The following USH2A variants were observed in gnomAD, a reference collection of about 807,000 sequenced individuals.
The protein encoded by USH2A is usherin.
USH2A carries 443 observed loss-of-function variants against 538.9 expected under a neutral mutation model. The ratio of observed to expected loss-of-function variants is 0.82; its 90% CI spans 0.76 to 0.89. USH2A has a LOEUF of 0.89. Among genes scored for constraint, USH2A ranks in the 40% least tolerant of loss-of-function variants. The pLI, the probability that USH2A is intolerant of heterozygous loss-of-function variation, is 0.00. For synonymous variants in USH2A, 2,413 were observed against 2,273.5 expected (o/e 1.06, Z -1.75); for missense variants, 6,633 against 6,324.8 (o/e 1.05, Z -1.65).
chr1:215,888,412 A>G lies in USH2A; in HGVS notation c.8223+14T>C. 6.2e-7 allele frequency: 1 copy of G among 1,612,324 alleles called. No individual in the cohort carries two copies. The highest frequency in any genetic ancestry group is 8.5e-7 in the Non-Finnish European group (1 of 1,179,998). Reference sequence around the variant, plus strand: ...CCTAAGTCTGCAAAGGAGAGAGAATAGTCAGTATCTTACCTGGACTGCATC... The same window carrying G: ...CCTAAGTCTGCAAAGGAGAGAGAATGGTCAGTATCTTACCTGGACTGCATC... On this transcript the variant is annotated intron_variant, in intron 41 of 71. Coordinates refer to ENST00000307340, the MANE Select transcript of USH2A (RefSeq NM_206933.4).
At position 216,422,046 on chromosome 1, in the gene USH2A, G is replaced by A; in HGVS notation, c.291C>T (p.Tyr97=). 2 of 1,613,888 alleles carry A rather than the reference G, an allele frequency of 1.2e-6. No individual in the cohort carries two copies. The highest frequency in any genetic ancestry group is 1.7e-6 in the Non-Finnish European group (2 of 1,179,906). Residue 97 remains tyrosine (Y), a synonymous_variant, in exon 2 of 72, where the codon TAC becomes TAT. Coordinates refer to ENST00000307340, the MANE Select transcript of USH2A (RefSeq NM_206933.4). ...DCPYRSSHPT[Y]TALFSAGLSS... ...TGAGGCCTGCTGAGAAAAGGGCAGTGTAGGTAGGGTGTGAAGATCTGTATG... is the reference window on the plus strand; with the variant it reads ...TGAGGCCTGCTGAGAAAAGGGCAGTATAGGTAGGGTGTGAAGATCTGTATG...
intron 13 of USH2A, among the ~76,000 whole-genome samples, chr1:216,243,751 A>G (rs970492182): frequency 6.6e-6 from 1 of 152,214 alleles, no homozygotes; most frequent in African/African-American, 2.4e-5. Flanking sequence ...TCAGTCTGGT[A>G]CATTTTCTAC....
chr1:216,092,783 A>G (rs915581699), intron 22 of USH2A, among the ~76,000 whole-genome samples: 1 of 152,102 alleles, frequency 6.6e-6, no homozygotes, highest in Admixed American at 6.5e-5. Flanking sequence ...ATCTGATTAC[A>G]TTTTCTCAGC....
At chr1:215,670,531 G>T (rs1382617567) in intron 64 of USH2A, among the ~76,000 whole-genome samples, 1 of 152,142 alleles carries the variant, frequency 6.6e-6, no homozygotes, top group Non-Finnish European at 1.5e-5. Flanking sequence ...CAGGTGAGTT[G>T]TATTCCTCTA....
chr1:215,794,353 G>C (rs1303899153), intron 50 of USH2A, among the ~76,000 whole-genome samples: 1 of 152,190 alleles, frequency 6.6e-6, no homozygotes, highest in African/African-American at 2.4e-5. Flanking sequence ...GATGTTTTAC[G>C]AGCCAGCCCG....
At chr1:216,363,589 G>T (rs1456378501) in intron 4 of USH2A, among the ~76,000 whole-genome samples, 1 of 151,924 alleles carries the variant, frequency 6.6e-6, no homozygotes, top group East Asian at 1.9e-4. Flanking sequence ...AAATGGAAAT[G>T]TAGATATAGA....
chr1:215,790,304 T>C (rs1221305690), intron 50 of USH2A, 22 bp from the exon 51 acceptor site: 34 of 1,611,190 alleles, frequency 2.1e-5, no homozygotes, highest in Non-Finnish European at 2.7e-5. Flanking sequence ...AAATGTTATA[T>C]ATGAATATGA....
intron 20 of USH2A, among the ~76,000 whole-genome samples, chr1:216,175,940 C>T (rs563471162): frequency 6.9e-4 from 105 of 152,202 alleles, no homozygotes; most frequent in African/African-American, 2.5e-3. Context: ...CCAGGAGCCA[C>T]AGGATCCCGC....
At chr1:215,917,776 A>G (rs1164276334) in intron 38 of USH2A, among the ~76,000 whole-genome samples, 4 of 74,248 alleles carry the variant, frequency 5.4e-5, no homozygotes, top group Admixed American at 5.3e-4. Context: ...AAACCCTATC[A>G]CTACAAAAAA....
intron 19 of USH2A, among the ~76,000 whole-genome samples, chr1:216,194,890 A>G (rs2034803529): frequency 1.3e-5 from 2 of 152,172 alleles, no homozygotes; most frequent in Admixed American, 6.5e-5. Context: ...TGGTACAGGC[A>G]GATGAGCCAC....
At position 216,421,974 on chromosome 1, in the gene USH2A, A is replaced by G. The variant is rs755384316; in HGVS notation, c.363T>C (p.His121=). The part of the protein sequence containing the change: ...PDKNDLHPNA[H]SNSASFIFGN... ...CAAAAATAAAACTTGCAGAATTGCT[A>G]TGGGCGTTAGGATGCAGATCATTCT... The change falls in exon 2 of 72, where the codon CAT becomes CAC. Residue 121 remains histidine (H), a synonymous_variant. Transcript: ENST00000307340. The G allele has an allele frequency of 1.9e-6, 3 of 1,613,946 alleles. No homozygotes were observed. The highest frequency in any genetic ancestry group is 2.2e-5 in the South Asian group (2 of 91,088).
chr1:215,925,573 C>T (rs781361114), intron 38 of USH2A, among the ~76,000 whole-genome samples: 1 of 152,114 alleles, frequency 6.6e-6, no homozygotes, highest in Non-Finnish European at 1.5e-5. Context: ...GAATGCTATT[C>T]CTCACCATCC....
chr1:215,891,744 G>C (rs1174071656), intron 40 of USH2A, among the ~76,000 whole-genome samples: 1 of 152,168 alleles, frequency 6.6e-6, no homozygotes, highest in Non-Finnish European at 1.5e-5. Flanking sequence ...CTCCTTAACT[G>C]TAAAATCAAT....
intron 41 of USH2A, among the ~76,000 whole-genome samples, chr1:215,888,044 A>C (rs1293921191): frequency 6.6e-6 from 1 of 152,226 alleles, no homozygotes; most frequent in Non-Finnish European, 1.5e-5. Context: ...TTGATTATTA[A>C]AAAATACCAG....
At chr1:216,374,423 G>A (rs1283474947) in intron 3 of USH2A, among the ~76,000 whole-genome samples, 1 of 151,936 alleles carries the variant, frequency 6.6e-6, no homozygotes, top group Non-Finnish European at 1.5e-5. Flanking sequence ...AAATTCAGGT[G>A]ATACAGTGAT....
At chr1:216,167,140 T>G (rs991635068) in intron 21 of USH2A, among the ~76,000 whole-genome samples, 1 of 152,092 alleles carries the variant, frequency 6.6e-6, no homozygotes, top group Non-Finnish European at 1.5e-5. Context: ...AATATGGTTT[T>G]CATATTATTA....
Position 216,070,157 on chromosome 1 carries a change from C to A in USH2A, c.5993G>T (p.Arg1998Leu), listed in dbSNP as rs143624066. Residue 1998 changes from arginine (R) to leucine (L), a missense_variant, in exon 30 of 72, where the codon CGT becomes CTT. Coordinates refer to ENST00000307340, the MANE Select transcript of USH2A (RefSeq NM_206933.4). ...ILKAYSEDST[R>L]PPRMPSASAE... ...ACTGGCAGAGGGCATGCGGGGTGGACGGGTGCTGTCCTCACTATAGGCTTT... is the reference window on the plus strand; with the variant it reads ...ACTGGCAGAGGGCATGCGGGGTGGAAGGGTGCTGTCCTCACTATAGGCTTT... 3.7e-6 allele frequency: 6 copies of A among 1,613,800 alleles called. No homozygotes were observed. In the South Asian group the frequency reaches 4.4e-5, roughly 12 times the overall value.
intron 49 of USH2A, among the ~76,000 whole-genome samples, chr1:215,812,299 T>C (rs1662719326): frequency 6.6e-6 from 1 of 152,116 alleles, no homozygotes; most frequent in South Asian, 2.1e-4. Flanking sequence ...CCCTAGGTTT[T>C]GAATTTTCTG....
At chr1:216,099,821 C>T (rs996786761) in intron 21 of USH2A, among the ~76,000 whole-genome samples, 1 of 152,094 alleles carries the variant, frequency 6.6e-6, no homozygotes, top group African/African-American at 2.4e-5. Context: ...TAGGAATTAT[C>T]TTTAGTTTTA....
Sources: allele counts gnomAD v4.1 joint callset (sites outside exome capture counted in the v4.1 genomes callset), GRCh38; gene constraint gnomAD v4.1.1; transcripts MANE v1.5; gene names NCBI Gene and HGNC (gene_info 2026-07-23, HGNC 2026-07-21).